The following CNTN4 variants were observed in gnomAD, a reference collection of about 807,000 sequenced individuals.
CNTN4 encodes contactin 4.
CNTN4 carries 77 observed loss-of-function variants against 122.5 expected under a neutral mutation model. The ratio of observed to expected loss-of-function variants is 0.63; its 90% CI spans 0.52 to 0.76. The LOEUF (loss-of-function observed/expected upper bound fraction) is 0.76, where lower values mean the gene tolerates loss of function less well. Ranked by LOEUF, CNTN4 falls within the 30% of genes least tolerant of loss-of-function variation. The pLI, the probability that CNTN4 is intolerant of heterozygous loss-of-function variation, is 0.00. For missense variants in CNTN4, 1,256 were observed against 1,259.1 expected, an observed-to-expected ratio of 1.00 and a Z score of 0.04; for synonymous variants, 512 against 447.0, an observed-to-expected ratio of 1.15 and a Z score of -1.83.
chr3:2,266,246 C>A (rs577961574), intron 2 of CNTN4, among the ~76,000 whole-genome samples: 2 of 151,780 alleles, frequency 1.3e-5, no homozygotes, highest in Admixed American at 6.6e-5. Context: ...CCTTCTATAC[C>A]CATTTTGTTG....
intron 3 of CNTN4, among the ~76,000 whole-genome samples, chr3:2,456,765 G>A (rs758178981): frequency 9.9e-5 from 15 of 151,892 alleles, no homozygotes; most frequent in Non-Finnish European, 1.6e-4. Context: ...TTATCCATTC[G>A]TCTATCTATG....
At chr3:2,969,519 T>TATTATTATTATGATG (rs1553710728) in intron 13 of CNTN4, among the ~76,000 whole-genome samples, 2 of 151,358 alleles carry the variant, frequency 1.3e-5, no homozygotes, top group African/African-American at 4.9e-5. Flanking sequence ...AAATTGGGAT[T>TATTATTATTATGATG]ATTATTATTA....
intron 14 of CNTN4, among the ~76,000 whole-genome samples, chr3:3,006,504 C>G (rs1353412590): frequency 6.6e-6 from 1 of 152,194 alleles, no homozygotes; most frequent in Non-Finnish European, 1.5e-5. Flanking sequence ...TCTCTTCCAG[C>G]TCATTCTTTT....
chr3:2,821,855 C>A (rs570959344), intron 7 of CNTN4, among the ~76,000 whole-genome samples: 6 of 152,194 alleles, frequency 3.9e-5, no homozygotes, highest in Admixed American at 1.3e-4. Context: ...TTCAGTTTGA[C>A]TTTCCACATG....
Position 2,121,161 on chromosome 3 carries a change from C to G in CNTN4, c.-145+20522C>G, listed in dbSNP as rs117219701. On this transcript the variant is annotated intron_variant, in intron 2 of 24. Transcript: ENST00000418658. ...CTTTTTTCCCCTTCCTCTCTTTGTT[C>G]CTTCCTCCCTCTTACCAAATGCTAG... Among the ~76,000 whole-genome samples the G allele has an allele frequency of 1.3e-4, 20 of 151,004 alleles. No homozygotes were observed. The East Asian group carries it at 4.0e-3, about 30-fold the overall frequency.
chr3:2,674,027 C>T (rs1482387389), intron 4 of CNTN4, among the ~76,000 whole-genome samples: 4 of 152,188 alleles, frequency 2.6e-5, no homozygotes, highest in African/African-American at 9.7e-5. Flanking sequence ...CCATCTCAGA[C>T]CTTCCAGCCC....
At chr3:3,008,902 C>T in intron 14 of CNTN4, 2 of 974,848 alleles carry the variant, frequency 2.1e-6, no homozygotes, top group Non-Finnish European at 2.4e-6. Flanking sequence ...TAGGGCAAAC[C>T]ACCAAGATCT....
At chr3:2,153,323 A>G (rs1559292195) in intron 2 of CNTN4, among the ~76,000 whole-genome samples, 2 of 152,202 alleles carry the variant, frequency 1.3e-5, no homozygotes, top group Admixed American at 6.5e-5. Flanking sequence ...GGAGCAACCC[A>G]TGAGGAGGAA....
chr3:3,021,849 G>T (rs1015448367), intron 14 of CNTN4, among the ~76,000 whole-genome samples: 2 of 152,292 alleles, frequency 1.3e-5, no homozygotes, highest in Admixed American at 6.5e-5. Context: ...GGAGGCCAAG[G>T]CGGGAGGATC....
chr3:2,120,380 T>TATATATATATAA (rs2033660059), intron 2 of CNTN4, among the ~76,000 whole-genome samples: 3 of 27,534 alleles, frequency 1.1e-4, no homozygotes, highest in African/African-American at 3.0e-4. Context: ...TATAAATATA[T>TATATATATATAA]ATATATATAT....
At chr3:2,328,324 G>T (rs62243988) in intron 2 of CNTN4, among the ~76,000 whole-genome samples, 18,145 of 150,040 alleles carry the variant, frequency 0.12, 1,405 homozygotes, top group Non-Finnish European at 0.17. Flanking sequence ...GAGAATGGCG[G>T]GAACCCGGGA....
intron 3 of CNTN4, among the ~76,000 whole-genome samples, chr3:2,386,861 T>G (rs555220835): frequency 6.6e-6 from 1 of 152,322 alleles, no homozygotes; most frequent in African/African-American, 2.4e-5. Flanking sequence ...AGATAATTAT[T>G]GCAGATATTT....
At chr3:2,349,271 C>T (rs866253835) in intron 3 of CNTN4, among the ~76,000 whole-genome samples, 38 of 152,100 alleles carry the variant, frequency 2.5e-4, no homozygotes, top group Middle Eastern at 6.8e-3. Flanking sequence ...CTTCTGAAGC[C>T]AGCCTGCACT....
At chr3:2,815,039 G>A (rs11129308) in intron 6 of CNTN4, among the ~76,000 whole-genome samples, 18,316 of 152,164 alleles carry the variant, frequency 0.12, 1,455 homozygotes, top group East Asian at 0.4. Flanking sequence ...AGGCTTTGGA[G>A]ATAAAATGAC....
intron 3 of CNTN4, among the ~76,000 whole-genome samples, chr3:2,469,326 A>C (rs565702158): frequency 6.6e-6 from 1 of 152,332 alleles, no homozygotes; most frequent in African/African-American, 2.4e-5. Flanking sequence ...AAACAGTGAG[A>C]GATTCATTAA....
At chr3:2,796,138 C>G (rs1206986532) in intron 6 of CNTN4, among the ~76,000 whole-genome samples, 1 of 152,028 alleles carries the variant, frequency 6.6e-6, no homozygotes, top group Non-Finnish European at 1.5e-5. Context: ...CCAAGTGCAT[C>G]TTAATTAGGT....
chr3:2,919,285 G>A (rs2094402526), intron 12 of CNTN4, among the ~76,000 whole-genome samples: 1 of 150,168 alleles, frequency 6.7e-6, no homozygotes, highest in Non-Finnish European at 1.5e-5. Flanking sequence ...CCAGAAGGCG[G>A]AGGCTGCAGT....
chr3:2,727,545 C>T (rs2088315453), intron 4 of CNTN4, among the ~76,000 whole-genome samples: 1 of 152,168 alleles, frequency 6.6e-6, no homozygotes, highest in Non-Finnish European at 1.5e-5. Context: ...GAGTAGGATA[C>T]ATTGATACAG....
intron 20 of CNTN4, 146 bp downstream of exon 20, chr3:3,040,417 T>C (rs1002823794): frequency 1.6e-5 from 11 of 703,174 alleles, no homozygotes; most frequent in African/African-American, 3.5e-5. Flanking sequence ...AACAATTTGG[T>C]TCGCTGTCCA....
Sources: gnomAD v4.1 joint callset for allele counts (sites outside exome capture counted in the v4.1 genomes callset) on GRCh38, gnomAD v4.1.1 for gene constraint, MANE v1.5 for transcripts, NCBI Gene and HGNC (gene_info 2026-07-23, HGNC 2026-07-21) for gene names.